ADIPOR2: variants seen among roughly 807,000 people sequenced by gnomAD.
ADIPOR2 encodes adiponectin receptor 2.
ADIPOR2 carries 18 observed loss-of-function variants against 40.9 expected under a neutral mutation model. That is an observed-to-expected ratio of 0.44 (90% CI 0.30 to 0.65). The LOEUF (loss-of-function observed/expected upper bound fraction) is 0.65. ADIPOR2 is among the 30% of genes least tolerant of loss of function. ADIPOR2 has a pLI of 0.09. For missense variants in ADIPOR2, 283 were observed against 479.2 expected (o/e 0.59, Z 3.82); for synonymous variants, 165 against 166.4 (o/e 0.99, Z 0.06).
intron 1 of ADIPOR2, among the ~76,000 whole-genome samples, chr12:1,743,055 C>G (rs1278891933): frequency 1.3e-5 from 2 of 151,736 alleles, no homozygotes; most frequent in Non-Finnish European, 2.9e-5. Flanking sequence ...CAAACTATAG[C>G]TCTTGGGGAA....
At position 1,785,973 on chromosome 12, in the gene ADIPOR2, T is replaced by C; in HGVS notation, c.1062T>C (p.Phe354=). 1 of 1,614,206 alleles carries C rather than the reference T, an allele frequency of 6.2e-7. No homozygotes were observed. The highest frequency in any genetic ancestry group is 8.5e-7 in the Non-Finnish European group (1 of 1,180,040). The stretch of plus-strand genomic sequence containing the variant: ...ACTCTCATCAGCTGTTTCATATCTT[T>C]GTGGTTGCTGGAGCTTTTGTTCACT... ...WFHSHQLFHI[F]VVAGAFVHFH... Residue 354 remains phenylalanine (F), a synonymous_variant, in exon 8 of 8, where the codon TTT becomes TTC. Transcript: ENST00000357103.
chr12:1,694,061 T>A (rs2094632974), intron 1 of ADIPOR2, among the ~76,000 whole-genome samples: 1 of 152,242 alleles, frequency 6.6e-6, no homozygotes. Context: ...CAATTTCCAC[T>A]ACTTTACGTG....
rs2094689006 is a variant in ADIPOR2 at position 1,717,082 on chromosome 12, AT to A, written c.-87+25893del. Among the ~76,000 whole-genome samples the A allele has an allele frequency of 2.0e-5, 3 of 152,360 alleles. No individual in the cohort carries two copies. In the South Asian group the frequency reaches 6.2e-4, roughly 32 times the overall value. On this transcript the variant is annotated intron_variant, in intron 1 of 7. Coordinates refer to ENST00000357103, the MANE Select transcript of ADIPOR2 (RefSeq NM_024551.3). ...CTGCTACTGGAAAGTAAAAAATAAA[AT>A]TAGTGTTAAGTTGAGATGAGTCAAC...
chr12:1,785,773 T>A (rs531234159), intron 7 of ADIPOR2, among the ~76,000 whole-genome samples, 171 bp from the exon 8 acceptor site: 1 of 152,346 alleles, frequency 6.6e-6, no homozygotes, highest in African/African-American at 2.4e-5. Context: ...CAGAATGTGT[T>A]ACACCTAATG....
intron 1 of ADIPOR2, among the ~76,000 whole-genome samples, chr12:1,735,750 A>G (rs956197809): frequency 3.9e-5 from 6 of 152,094 alleles, no homozygotes; most frequent in Non-Finnish European, 7.4e-5. Flanking sequence ...AATAGCTCTT[A>G]TTATTTTGAC....
chr12:1,713,468 A>T (rs909228461), intron 1 of ADIPOR2, among the ~76,000 whole-genome samples: 3 of 152,056 alleles, frequency 2.0e-5, no homozygotes, highest in Non-Finnish European at 4.4e-5. Context: ...GCCTTAAGGG[A>T]TATTGCCTTT....
intron 1 of ADIPOR2, among the ~76,000 whole-genome samples, chr12:1,732,077 A>G (rs919845091): frequency 2.6e-5 from 4 of 152,088 alleles, no homozygotes; most frequent in Non-Finnish European, 4.4e-5. Context: ...GAGTTCCCAT[A>G]TATCTACCCG....
chr12:1,731,878 C>G (rs1226832342), intron 1 of ADIPOR2, among the ~76,000 whole-genome samples: 1 of 152,108 alleles, frequency 6.6e-6, no homozygotes, highest in Admixed American at 6.5e-5. Flanking sequence ...GCAGGAGAAT[C>G]GCGGGAACCC....
chr12:1,753,279 A>G (rs1862041617), intron 1 of ADIPOR2, among the ~76,000 whole-genome samples: 1 of 152,208 alleles, frequency 6.6e-6, no homozygotes, highest in African/African-American at 2.4e-5. Flanking sequence ...CTTATTGGAT[A>G]TTCAACTAAT....
chr12:1,774,140 G>A (rs991788461), intron 3 of ADIPOR2, among the ~76,000 whole-genome samples: 2 of 152,204 alleles, frequency 1.3e-5, no homozygotes, highest in African/African-American at 4.8e-5. Flanking sequence ...CAAATTTGGT[G>A]TGAAGAAATC....
At chr12:1,711,410 C>T (rs1169556187) in intron 1 of ADIPOR2, among the ~76,000 whole-genome samples, 1 of 151,964 alleles carries the variant, frequency 6.6e-6, no homozygotes. Context: ...GTCTGATTTC[C>T]TGGGGCAATG....
chr12:1,748,111 C>T (rs886278752), intron 1 of ADIPOR2, among the ~76,000 whole-genome samples: 1 of 152,052 alleles, frequency 6.6e-6, no homozygotes, highest in South Asian at 2.1e-4. Context: ...TGAGCCCCCC[C>T]ACCCTTTATT....
chr12:1,717,980 C>T (rs1303602859), intron 1 of ADIPOR2, among the ~76,000 whole-genome samples: 2 of 151,844 alleles, frequency 1.3e-5, no homozygotes, highest in Non-Finnish European at 2.9e-5. Flanking sequence ...ATTATAGTTT[C>T]CTTTAGCAAA....
Position 1,783,914 on chromosome 12 carries a change from TC to T in ADIPOR2, c.875del (p.Pro292LeufsTer17). ...TGGGCCTAGGCCTGAGTGGAATCATTCCTACCTTGCACTATGTCATCTCGGA... is the reference window on the plus strand; with the variant it reads ...TGGGCCTAGGCCTGAGTGGAATCATTCTACCTTGCACTATGTCATCTCGGA... ...FLGLGLSGII[P>X]TLHYVISEGF... On this transcript the variant is annotated frameshift_variant, in exon 7 of 8. Transcript: ENST00000357103. LOFTEE classifies it high-confidence loss of function. The T allele has an allele frequency of 6.2e-7, 1 of 1,612,698 alleles. No individual in the cohort carries two copies. The highest frequency in any genetic ancestry group is 8.5e-7 in the Non-Finnish European group (1 of 1,179,240).
At chr12:1,760,943 G>C (rs1350435787) in intron 2 of ADIPOR2, 1 of 152,114 alleles carries the variant, frequency 6.6e-6, no homozygotes, top group East Asian at 1.9e-4. Context: ...TAGTTACTTA[G>C]TAGCCTTCTG....
Position 1,703,772 on chromosome 12 carries a change from A to G in ADIPOR2, c.-87+12581A>G, listed in dbSNP as rs145035780. 3.5e-3 allele frequency among the ~76,000 whole-genome samples: 537 copies of G among 152,232 alleles called. 3 individuals carry two copies. The highest frequency in any genetic ancestry group is 0.013 in the African/African-American group (531 of 41,542). Reference sequence around the variant, plus strand: ...GGGAGAATCTTAATAACCTTGGAGTATGGAATAGATTTGTTTGTTTTTTTG... The same window carrying G: ...GGGAGAATCTTAATAACCTTGGAGTGTGGAATAGATTTGTTTGTTTTTTTG... On this transcript the variant is annotated intron_variant, in intron 1 of 7. Transcript: ENST00000357103.
chr12:1,727,729 G>T (rs1232156963), intron 1 of ADIPOR2, among the ~76,000 whole-genome samples: 1 of 151,938 alleles, frequency 6.6e-6, no homozygotes, highest in Non-Finnish European at 1.5e-5. Context: ...TAGCCCCTTG[G>T]GGTATTCTCT....
At chr12:1,753,085 T>G (rs1028948908) in intron 1 of ADIPOR2, among the ~76,000 whole-genome samples, 1 of 152,252 alleles carries the variant, frequency 6.6e-6, no homozygotes, top group African/African-American at 2.4e-5. Context: ...TAATTCTTAG[T>G]CTATGTATCC....
chr12:1,771,056 G>A (rs373648932), intron 2 of ADIPOR2, among the ~76,000 whole-genome samples: 1 of 152,184 alleles, frequency 6.6e-6, no homozygotes. Flanking sequence ...GGGTGCAGTG[G>A]CTCATACCTG....
Sources: gnomAD v4.1 joint callset for allele counts (sites outside exome capture counted in the v4.1 genomes callset) on GRCh38, gnomAD v4.1.1 for gene constraint, MANE v1.5 for transcripts, NCBI Gene and HGNC (gene_info 2026-07-23, HGNC 2026-07-21) for gene names.